The following DOCK1 variants were observed in gnomAD, a reference collection of about 807,000 sequenced individuals.
DOCK1 encodes dedicator of cytokinesis protein 1.
Under a neutral mutation model 262.7 loss-of-function variants are expected in DOCK1, and 138 were observed. The ratio of observed to expected loss-of-function variants is 0.53; its 90% CI spans 0.46 to 0.61. The LOEUF is 0.61. DOCK1 is among the 20% of genes least tolerant of loss of function. The pLI is 0.00. For synonymous variants in DOCK1, 866 were observed against 867.4 expected (o/e 1.00, Z 0.03); for missense variants, 1,908 against 2,370.7 (o/e 0.80, Z 4.05).
intron 29 of DOCK1, among the ~76,000 whole-genome samples, chr10:127,331,751 A>G (rs977360156): frequency 2.0e-5 from 3 of 152,208 alleles, no homozygotes; most frequent in Non-Finnish European, 2.9e-5. Context: ...AACATTTTTC[A>G]CAGTTGCGAA....
chr10:127,137,731 C>T, intron 27 of DOCK1: 1 of 1,075,590 alleles, frequency 9.3e-7, no homozygotes, highest in Non-Finnish European at 1.3e-6. Flanking sequence ...TGGGAGGTGC[C>T]TGAATGGGCA....
In DOCK1 at chr10:127,317,060, A is replaced by G. The variant is rs564742820; in HGVS notation, c.3045-21946A>G. On this transcript the variant is annotated intron_variant, in intron 29 of 51. Transcript: ENST00000623213. ...TTCCTGGATTATTTCCCAAAACTTG[A>G]CAGACCTTAGGAAAGCTATTTTTGA... 2.4e-4 allele frequency among the ~76,000 whole-genome samples: 36 copies of G among 148,176 alleles called. No individual in the cohort carries two copies. In the East Asian group the frequency reaches 2.8e-3, roughly 11 times the overall value.
At position 127,419,753 on chromosome 10, in the gene DOCK1, A is replaced by C. The variant is rs762112003; in HGVS notation, c.4776+4A>C. ...CAAGGACCTGATTGCTTGGCAGGTA[A>C]AGTGTCCAGCAAGAGTCCTGCATGG... is the stretch of plus-strand genomic sequence containing the variant. On this transcript the variant is annotated splice_donor_region_variant and intron_variant, in intron 46 of 51. Coordinates refer to ENST00000623213, the MANE Select transcript of DOCK1 (RefSeq NM_001290223.2). The C allele has an allele frequency of 6.3e-7, 1 of 1,587,792 alleles. No individual in the cohort carries two copies. Among genetic ancestry groups the C allele is most frequent in the South Asian group, 1.2e-5 (1 of 86,906 alleles).
rs2070956621 is a variant in DOCK1 at position 127,451,360 on chromosome 10, C to T, written c.5594C>T (p.Thr1865Ile). Residue 1865 changes from threonine to isoleucine, a missense_variant, in exon 52 of 52, where the codon ACT (threonine) becomes ATT (isoleucine). Physicochemically the swap from Thr to Ile is moderately conservative, Grantham distance 89. This residue lies in a region of DOCK1 where 383 missense variants were observed against 420.1 expected (regional missense o/e 0.91). Coordinates refer to ENST00000623213, the MANE Select transcript of DOCK1 (RefSeq NM_001290223.2). The stretch of plus-strand genomic sequence containing the variant: ...CTGCCACCTCCACTGCCCAGCAAAA[C>T]TCCGCCTCCTCCCCCTCCAAAGACA... ...RHLPPPLPSK[T>I]PPPPPPKTTR... is the part of the protein sequence containing the mutation. The T allele has an allele frequency of 1.9e-6, 3 of 1,600,240 alleles. No homozygotes were observed. The South Asian group carries it at 3.4e-5, about 18-fold the overall frequency.
At chr10:127,042,945 C>G in intron 20 of DOCK1, 119 bp from the exon 21 acceptor site, 1 of 889,050 alleles carries the variant, frequency 1.1e-6, no homozygotes. Flanking sequence ...TAGCCACCAA[C>G]TTCTATCTGA....
chr10:127,309,843 A>G (rs987052179), intron 29 of DOCK1, among the ~76,000 whole-genome samples: 1 of 150,778 alleles, frequency 6.6e-6, no homozygotes, highest in East Asian at 2.0e-4. Flanking sequence ...AATTCCCCAT[A>G]TATCTTGTGT....
chr10:127,449,154 TTTG>T (rs1174096442), intron 51 of DOCK1, among the ~76,000 whole-genome samples: 2 of 152,154 alleles, frequency 1.3e-5, no homozygotes, highest in African/African-American at 4.8e-5. Flanking sequence ...GCTGGAATGG[TTTG>T]TTGCACCACA....
chr10:127,392,092 C>T (rs1165782055), intron 38 of DOCK1, among the ~76,000 whole-genome samples: 1 of 141,216 alleles, frequency 7.1e-6, no homozygotes, highest in Non-Finnish European at 1.6e-5. Flanking sequence ...TGGTCTGCCC[C>T]GGCGTGGACC....
chr10:127,118,515 T>A (rs1166607803), intron 25 of DOCK1, among the ~76,000 whole-genome samples: 1 of 152,232 alleles, frequency 6.6e-6, no homozygotes, highest in Non-Finnish European at 1.5e-5. Flanking sequence ...ATGGCTCGCT[T>A]TTTTACAAAG....
intron 38 of DOCK1, among the ~76,000 whole-genome samples, chr10:127,393,360 T>C (rs2134216820): frequency 6.6e-6 from 1 of 152,292 alleles, no homozygotes; most frequent in East Asian, 1.9e-4. Flanking sequence ...CATTTCCATA[T>C]GCAATTAAGG....
intron 25 of DOCK1, among the ~76,000 whole-genome samples, chr10:127,120,158 C>T (rs887722386): frequency 1.3e-5 from 2 of 152,202 alleles, no homozygotes; most frequent in African/African-American, 4.8e-5. Flanking sequence ...TTCTAGCTTC[C>T]TCGTAGGTCA....
chr10:127,261,347 A>G (rs1242217419), intron 29 of DOCK1, among the ~76,000 whole-genome samples: 9 of 46,400 alleles, frequency 1.9e-4, no homozygotes, highest in African/African-American at 3.7e-4. Flanking sequence ...GCGTGTGTGT[A>G]CCCGTGCTCA....
In DOCK1 at chr10:127,036,689, T is replaced by C. The variant is rs540921710; in HGVS notation, c.1913-1030T>C. On this transcript the variant is annotated intron_variant, in intron 18 of 51. Transcript: ENST00000623213. ...CTGACTTCTTACCTTAAAGAATATC[T>C]TGGGCCAGGCATGGTGGCTCACACT... 1.2e-4 allele frequency among the ~76,000 whole-genome samples: 18 copies of C among 152,172 alleles called. No homozygotes were observed. The South Asian group carries it at 3.7e-3, about 32-fold the overall frequency.
At chr10:127,358,185 C>G (rs1320316580) in intron 32 of DOCK1, among the ~76,000 whole-genome samples, 1 of 152,140 alleles carries the variant, frequency 6.6e-6, no homozygotes, top group East Asian at 1.9e-4. Flanking sequence ...CTCCTTCAGT[C>G]TTTCCAATAG....
chr10:127,361,192 C>T (rs779703086), intron 32 of DOCK1, among the ~76,000 whole-genome samples: 2 of 144,194 alleles, frequency 1.4e-5, no homozygotes, highest in South Asian at 2.2e-4. Context: ...TGGCTCACTG[C>T]GACCTCTTCC....
chr10:126,910,766 T>A (rs1194186403), intron 1 of DOCK1, among the ~76,000 whole-genome samples: 2 of 152,174 alleles, frequency 1.3e-5, no homozygotes, highest in Non-Finnish European at 2.9e-5. Flanking sequence ...CTGGCCACCC[T>A]TTGCCTGTTC....
chr10:127,052,371 A>C (rs546677866), intron 21 of DOCK1, among the ~76,000 whole-genome samples: 1 of 152,166 alleles, frequency 6.6e-6, no homozygotes, highest in Non-Finnish European at 1.5e-5. Context: ...TAAAATACAA[A>C]AAATTAGCTG....
chr10:127,339,625 TTGTGTG>T (rs754796831), intron 30 of DOCK1, among the ~76,000 whole-genome samples: 2,004 of 139,502 alleles, frequency 0.014, 30 homozygotes, highest in African/African-American at 0.03. Flanking sequence ...GTGTGTGTGT[TTGTGTG>T]TGTGTGTGTG....
At chr10:127,245,960 G>A (rs1250001724) in intron 27 of DOCK1, among the ~76,000 whole-genome samples, 1 of 152,150 alleles carries the variant, frequency 6.6e-6, no homozygotes, top group Admixed American at 6.6e-5. Context: ...GCTGATATAG[G>A]CCTCTTCTTC....
Sources: gnomAD v4.1 joint callset for allele counts (sites outside exome capture counted in the v4.1 genomes callset) on GRCh38, gnomAD v4.1.1 for gene constraint, gnomAD v4.1.1 regional missense constraint, MANE v1.5 for transcripts, NCBI Gene and HGNC (gene_info 2026-07-23, HGNC 2026-07-21) for gene names.